RGPD2: variants seen among roughly 807,000 people sequenced by gnomAD.
RGPD2 encodes the protein RANBP2-like and GRIP domain-containing protein 2.
A neutral mutation model predicts 36.0 loss-of-function variants in RGPD2; 2 were observed. The ratio of observed to expected loss-of-function variants is 0.06; its 90% CI spans 0.02 to 0.17. The LOEUF (loss-of-function observed/expected upper bound fraction) is 0.17. RGPD2 is among the 10% of genes least tolerant of loss of function. The probability of loss-of-function intolerance (pLI) is 1.00; values close to 1 mark genes in which losing one functional copy is unlikely to be tolerated. For synonymous variants in RGPD2, 19 were observed against 163.8 expected (o/e 0.12, Z 6.75); for missense variants, 40 against 464.3 (o/e 0.09, Z 8.40).
chr2:87,825,935 T>C, upstream of RGPD2: 1 of 584,176 alleles, frequency 1.7e-6, no homozygotes, highest in Non-Finnish European at 2.8e-6. Context: ...CAGCACCCTG[T>C]GCTCTGAGGG....
chr2:87,824,752 GCCGCCGCC>G, intron 1 of RGPD2, among the ~76,000 whole-genome samples: 1 of 116,010 alleles, frequency 8.6e-6, no homozygotes, highest in Non-Finnish European at 1.9e-5. Flanking sequence ...GGCCGCCGCC[GCCGCCGCC>G]GCCGCCGCCC....
chr2:87,983,524 G>C, the RGPD2 span, among the ~76,000 whole-genome samples: 1 of 122,768 alleles, frequency 8.1e-6, no homozygotes, highest in African/African-American at 3.0e-5. Context: ...GTCCTGGAGA[G>C]AGAGAGTAGT....
At chr2:87,865,521 C>A in the RGPD2 span, among the ~76,000 whole-genome samples, 1 of 151,914 alleles carries the variant, frequency 6.6e-6, no homozygotes, top group Non-Finnish European at 1.5e-5. Context: ...GAGTTCCCTT[C>A]ACTGGCTGGT....
chr2:87,972,983 AC>A, the RGPD2 span: 1 of 1,613,740 alleles, frequency 6.2e-7, no homozygotes, highest in Non-Finnish European at 8.5e-7. Context: ...TCCTTTCCCT[AC>A]CGGTTCACTG....
the RGPD2 span, among the ~76,000 whole-genome samples, chr2:87,937,855 T>C: frequency 6.6e-5 from 10 of 152,096 alleles, no homozygotes; most frequent in African/African-American, 2.4e-4. Context: ...AGGAGGTAGA[T>C]GTCAATTACA....
the RGPD2 span, among the ~76,000 whole-genome samples, chr2:87,921,884 A>T: frequency 6.6e-6 from 1 of 152,004 alleles, no homozygotes; most frequent in African/African-American, 2.4e-5. Flanking sequence ...GCATTTTCTG[A>T]TATTGCCTTG....
At chr2:87,769,794 G>A (rs917472275) in intron 22 of RGPD2, among the ~76,000 whole-genome samples, 2 of 149,700 alleles carry the variant, frequency 1.3e-5, no homozygotes, top group African/African-American at 4.9e-5. Flanking sequence ...TTTTATAGGG[G>A]CAGTTTTACT....
At chr2:87,971,749 A>G in the RGPD2 span, among the ~76,000 whole-genome samples, 12 of 152,134 alleles carry the variant, frequency 7.9e-5, no homozygotes, top group Non-Finnish European at 1.8e-4. Context: ...ATGTATTAAC[A>G]GTTATCTGAA....
chr2:87,837,472 G>A, the RGPD2 span, among the ~76,000 whole-genome samples: 1 of 92,220 alleles, frequency 1.1e-5, no homozygotes, highest in African/African-American at 4.3e-5. Context: ...GAATTACTTT[G>A]GGTAAAGAAT....
At chr2:87,857,394 G>T in the RGPD2 span, among the ~76,000 whole-genome samples, 5 of 151,774 alleles carry the variant, frequency 3.3e-5, no homozygotes, top group East Asian at 9.8e-4. Flanking sequence ...CCAGGCTGGG[G>T]TGCAGTGGTG....
At chr2:87,805,792 G>A (rs1206203769) in intron 7 of RGPD2, among the ~76,000 whole-genome samples, 2 of 152,130 alleles carry the variant, frequency 1.3e-5, no homozygotes, top group African/African-American at 2.4e-5. Flanking sequence ...CTCGGGAGGT[G>A]GAGCTTGCAG....
At chr2:87,824,506 C>A (rs1189326223) in intron 1 of RGPD2, among the ~76,000 whole-genome samples, 1 of 151,940 alleles carries the variant, frequency 6.6e-6, no homozygotes, top group African/African-American at 2.4e-5. Flanking sequence ...GCCACTGCCT[C>A]TTCTCCCTCC....
the RGPD2 span, among the ~76,000 whole-genome samples, chr2:87,886,608 C>T: frequency 6.6e-6 from 1 of 151,104 alleles, no homozygotes; most frequent in Non-Finnish European, 1.5e-5. Context: ...CACCCTGTTA[C>T]ACGTGATTTT....
chr2:87,968,437 G>T, the RGPD2 span, among the ~76,000 whole-genome samples: 1 of 142,734 alleles, frequency 7.0e-6, no homozygotes, highest in South Asian at 2.4e-4. Context: ...TTAGCCGGGC[G>T]TGGTGGTGTG....
chr2:87,864,466 C>G, the RGPD2 span, among the ~76,000 whole-genome samples: 1 of 152,252 alleles, frequency 6.6e-6, no homozygotes, highest in Admixed American at 6.5e-5. Flanking sequence ...CTATACCACT[C>G]TCTTTCTGGT....
At chr2:87,873,009 C>T in the RGPD2 span, among the ~76,000 whole-genome samples, 2 of 152,286 alleles carry the variant, frequency 1.3e-5, no homozygotes, top group Non-Finnish European at 2.9e-5. Context: ...CCACCCTCTT[C>T]AGCTTCCCAA....
At chr2:87,988,976 C>G in the RGPD2 span, 1 of 326,998 alleles carries the variant, frequency 3.1e-6, no homozygotes, top group Non-Finnish European at 5.8e-6. Flanking sequence ...CTCCCTAGCT[C>G]TTTAAAGCTC....
the RGPD2 span, among the ~76,000 whole-genome samples, chr2:87,879,360 C>T: frequency 4.9e-3 from 737 of 151,880 alleles, 4 homozygotes; most frequent in African/African-American, 0.016. Flanking sequence ...CACAGTCATG[C>T]CGTTTTCCTG....
chr2:87,869,711 T>C, the RGPD2 span, among the ~76,000 whole-genome samples: 3 of 152,298 alleles, frequency 2.0e-5, no homozygotes, highest in Admixed American at 6.5e-5. Flanking sequence ...TATCCAGACC[T>C]AAATTTGAGT....
Sources: allele counts gnomAD v4.1 joint callset (sites outside exome capture counted in the v4.1 genomes callset), GRCh38; gene constraint gnomAD v4.1.1; transcripts MANE v1.5; gene names NCBI Gene and HGNC (gene_info 2026-07-23, HGNC 2026-07-21).